DIP2C: variants seen among roughly 807,000 people sequenced by gnomAD.
DIP2C encodes disco-interacting protein 2 homolog C.
DIP2C carries 33 observed loss-of-function variants against 192.4 expected under a neutral mutation model. The ratio of observed to expected loss-of-function variants is 0.17; its 90% CI spans 0.13 to 0.23. DIP2C has a LOEUF of 0.23. DIP2C is among the 10% of genes least tolerant of loss of function. The probability of loss-of-function intolerance (pLI) is 1.00; values close to 1 mark genes in which losing one functional copy is unlikely to be tolerated. For synonymous variants in DIP2C, 979 were observed against 864.1 expected (o/e 1.13, Z -2.33); for missense variants, 1,537 against 2,110.1 (o/e 0.73, Z 5.32).
At chr10:517,437 C>A (rs1459130298) in intron 1 of DIP2C, among the ~76,000 whole-genome samples, 2 of 152,168 alleles carry the variant, frequency 1.3e-5, no homozygotes, top group Non-Finnish European at 2.9e-5. Context: ...GCCCGACGCT[C>A]CGCCCCACAC....
At chr10:555,860 T>C (rs1848826192) in intron 1 of DIP2C, among the ~76,000 whole-genome samples, 1 of 152,134 alleles carries the variant, frequency 6.6e-6, no homozygotes, top group South Asian at 2.1e-4. Flanking sequence ...AACACCCATC[T>C]TCAAGTCACA....
At chr10:304,836 C>G (rs1282327436) in intron 32 of DIP2C, among the ~76,000 whole-genome samples, 1 of 152,140 alleles carries the variant, frequency 6.6e-6, no homozygotes, top group Non-Finnish European at 1.5e-5. Context: ...CTTGCAAACC[C>G]TCATATACTT....
chr10:404,824 G>A (rs114133360), intron 9 of DIP2C, among the ~76,000 whole-genome samples: 2,177 of 152,292 alleles, frequency 0.014, 60 homozygotes, highest in African/African-American at 0.049. Flanking sequence ...ACATCTATGC[G>A]GATAAGCCAC....
At position 305,787 on chromosome 10, in the gene DIP2C, G is replaced by A. The variant is rs142480591; in HGVS notation, c.3986+4244C>T. Among the ~76,000 whole-genome samples, 178 of 152,046 alleles carry A rather than the reference G, an allele frequency of 1.2e-3. 1 individual carries two copies. Among genetic ancestry groups the A allele is most frequent in the African/African-American group, 4.2e-3 (173 of 41,458 alleles). On this transcript the variant is annotated intron_variant, in intron 32 of 36. Coordinates refer to ENST00000280886, the MANE Select transcript of DIP2C (RefSeq NM_014974.3). Reference sequence around the variant, plus strand: ...AGCTTTTTAAGTAGCTAGGACTATAGGCACATGCCACCACACCTAGTTCAT... The same window carrying A: ...AGCTTTTTAAGTAGCTAGGACTATAAGCACATGCCACCACACCTAGTTCAT...
At position 345,117 on chromosome 10, in the gene DIP2C, T is replaced by C; in HGVS notation, c.3232-7A>G. 6.2e-7 allele frequency: 1 copy of C among 1,608,744 alleles called. No individual in the cohort carries two copies. Among genetic ancestry groups the C allele is most frequent in the Non-Finnish European group, 8.5e-7 (1 of 1,178,824 alleles). On this transcript the variant is annotated splice_polypyrimidine_tract_variant and splice_region_variant and intron_variant, in intron 26 of 36. Coordinates refer to ENST00000280886, the MANE Select transcript of DIP2C (RefSeq NM_014974.3). ...GACAGGCAGAGCGACTCACCTGGCA[T>C]CAGAGAGCGAGAATGGAGCCATGAA...
chr10:381,127 A>G lies in DIP2C; in HGVS notation c.1991+1520T>C, dbSNP rs1193859150. The stretch of plus-strand genomic sequence containing the variant: ...AAGGACCAGCATTGGCTTCTCTCCT[A>G]AAGATTTTCACCACTGAGATAGAGT... On this transcript the variant is annotated intron_variant, in intron 17 of 36. Transcript: ENST00000280886. Among the ~76,000 whole-genome samples, 3 of 152,346 alleles carry G rather than the reference A, an allele frequency of 2.0e-5. 1 individual carries two copies. The highest frequency in any genetic ancestry group is 1.3e-4 in the Admixed American group (2 of 15,308).
chr10:554,732 C>A (rs1429327338), intron 1 of DIP2C, among the ~76,000 whole-genome samples: 5 of 152,210 alleles, frequency 3.3e-5, no homozygotes, highest in Non-Finnish European at 1.5e-5. Flanking sequence ...GTGAGAAATA[C>A]AGCCTGGGGA....
intron 4 of DIP2C, among the ~76,000 whole-genome samples, chr10:426,681 C>A (rs1343245812): frequency 6.6e-6 from 1 of 152,036 alleles, no homozygotes; most frequent in African/African-American, 2.4e-5. Context: ...AGAATTAAAC[C>A]CAGAAATAAA....
rs370910948 is a variant in DIP2C at position 571,405 on chromosome 10, C to T, written c.86-84875G>A. On this transcript the variant is annotated intron_variant, in intron 1 of 36. Coordinates refer to ENST00000280886, the MANE Select transcript of DIP2C (RefSeq NM_014974.3). ...TGACGCACCCGCGAGGGTCGGGAAC[C>T]GGCTCCGGGGCTCATTTCCCAGGCT... 3.3e-5 allele frequency among the ~76,000 whole-genome samples: 5 copies of T among 152,262 alleles called. No homozygotes were observed. In the East Asian group the frequency reaches 9.7e-4, roughly 30 times the overall value.
intron 3 of DIP2C, among the ~76,000 whole-genome samples, chr10:451,037 G>A (rs1457142220): frequency 2.6e-5 from 4 of 152,252 alleles, no homozygotes; most frequent in Non-Finnish European, 5.9e-5. Flanking sequence ...CAGGGCCAGG[G>A]AGGGAGTCTC....
intron 1 of DIP2C, among the ~76,000 whole-genome samples, chr10:497,779 T>A (rs1844946147): frequency 6.6e-6 from 1 of 152,180 alleles, no homozygotes; most frequent in Non-Finnish European, 1.5e-5. Context: ...GAAGCAACAT[T>A]CATCATACAT....
chr10:306,844 C>T (rs1407777618), intron 32 of DIP2C, among the ~76,000 whole-genome samples: 1 of 152,204 alleles, frequency 6.6e-6, no homozygotes, highest in Non-Finnish European at 1.5e-5. Flanking sequence ...TCACAGGTGC[C>T]TGGGAAGACT....
intron 1 of DIP2C, among the ~76,000 whole-genome samples, chr10:597,354 AC>A (rs1357664217): frequency 2.4e-4 from 37 of 151,972 alleles, no homozygotes. Flanking sequence ...CTGGACACAC[AC>A]ACACCGGGCT....
chr10:500,709 A>G (rs1350871699), intron 1 of DIP2C, among the ~76,000 whole-genome samples: 1 of 152,256 alleles, frequency 6.6e-6, no homozygotes, highest in African/African-American at 2.4e-5. Flanking sequence ...CTGGAAATAC[A>G]GGGATGCTTA....
intron 4 of DIP2C, among the ~76,000 whole-genome samples, chr10:440,005 C>CA (rs1305742785): frequency 2.6e-5 from 4 of 152,168 alleles, no homozygotes; most frequent in Non-Finnish European, 5.9e-5. Flanking sequence ...ATGTTGGAAT[C>CA]AAAATCACAG....
At chr10:612,862 T>C (rs1853193465) in intron 1 of DIP2C, among the ~76,000 whole-genome samples, 1 of 152,218 alleles carries the variant, frequency 6.6e-6, no homozygotes, top group South Asian at 2.1e-4. Context: ...CAGGTTCCCA[T>C]GAGCCAAGCA....
chr10:446,220 G>A (rs1269103892), intron 3 of DIP2C, among the ~76,000 whole-genome samples: 2 of 150,564 alleles, frequency 1.3e-5, no homozygotes, highest in African/African-American at 2.4e-5. Context: ...CATCTGTTGT[G>A]AAAAGTCTCA....
intron 1 of DIP2C, among the ~76,000 whole-genome samples, chr10:644,519 C>T (rs1174718247): frequency 1.3e-5 from 2 of 152,280 alleles, no homozygotes; most frequent in East Asian, 1.9e-4. Context: ...CAACACGGCC[C>T]GCCGTAGAGC....
At chr10:362,779 A>G (rs1471637811) in intron 21 of DIP2C, 88 bp from the exon 22 acceptor site, 2 of 1,396,754 alleles carry the variant, frequency 1.4e-6, no homozygotes, top group East Asian at 4.7e-5. Context: ...TCCACAATAC[A>G]CAGAAGTCTG....
Sources: gnomAD v4.1 joint callset for allele counts (sites outside exome capture counted in the v4.1 genomes callset) on GRCh38, gnomAD v4.1.1 for gene constraint, MANE v1.5 for transcripts, NCBI Gene and HGNC (gene_info 2026-07-23, HGNC 2026-07-21) for gene names.